TENT4A: variants seen among roughly 807,000 people sequenced by gnomAD.
TENT4A encodes the protein DNA polymerase kappa.
Under a neutral mutation model 72.8 loss-of-function variants are expected in TENT4A, and 7 were observed. That is an observed-to-expected ratio of 0.10 (90% CI 0.05 to 0.18). The LOEUF (loss-of-function observed/expected upper bound fraction) is 0.18. Among genes scored for constraint, TENT4A ranks in the 10% least tolerant of loss-of-function variants. TENT4A has a pLI of 1.00. For missense variants in TENT4A, 831 were observed against 1,017.7 expected, an observed-to-expected ratio of 0.82 and a Z score of 2.50; for synonymous variants, 456 against 434.3, an observed-to-expected ratio of 1.05 and a Z score of -0.62.
At chr5:6,730,708 G>C (rs1202278795) in intron 1 of TENT4A, among the ~76,000 whole-genome samples, 1 of 148,988 alleles carries the variant, frequency 6.7e-6, no homozygotes. Context: ...AAACATGAAG[G>C]GTTTCATTTA....
chr5:6,750,301 GTTA>G (rs1561045919), intron 9 of TENT4A, 27 bp from the exon 10 acceptor site: 1 of 1,588,782 alleles, frequency 6.3e-7, no homozygotes, highest in Non-Finnish European at 8.6e-7. Context: ...GTTCTCAGGA[GTTA>G]TTAACCAAGG....
chr5:6,752,031 A>G (rs1463630493), intron 11 of TENT4A, among the ~76,000 whole-genome samples: 1 of 152,228 alleles, frequency 6.6e-6, no homozygotes, highest in African/African-American at 2.4e-5. Flanking sequence ...TAATTGCAGC[A>G]TAAGTGTAAA....
intron 2 of TENT4A, 29 bp downstream of exon 2, chr5:6,737,662 G>T (rs369940829): frequency 3.1e-6 from 5 of 1,606,098 alleles, no homozygotes; most frequent in Non-Finnish European, 4.2e-6. Context: ...GTTCTGTGTC[G>T]CACGTCACGT....
chr5:6,720,530 T>C (rs1313173634), intron 1 of TENT4A, among the ~76,000 whole-genome samples: 2 of 152,022 alleles, frequency 1.3e-5, no homozygotes, highest in East Asian at 1.9e-4. Context: ...TGAACATTCT[T>C]TAAAATATGT....
chr5:6,744,944 T>G (rs1253556521), intron 6 of TENT4A, among the ~76,000 whole-genome samples: 2 of 152,110 alleles, frequency 1.3e-5, no homozygotes, highest in South Asian at 2.1e-4. Context: ...GTCCAGGGCC[T>G]CCTCCACCCC....
chr5:6,718,423 G>A lies in TENT4A; in HGVS notation c.716+3724G>A, dbSNP rs1029630358. ...CAGGGCCTGCTGCAGAGCACGGGAG[G>A]CATCACTCTAGGGGCCTTTCCCTCC... On this transcript the variant is annotated intron_variant, in intron 1 of 12. Transcript: ENST00000230859. 5.5e-4 allele frequency among the ~76,000 whole-genome samples: 83 copies of A among 152,190 alleles called. 2 individuals carry two copies. The highest frequency in any genetic ancestry group is 5.2e-3 in the Admixed American group (79 of 15,286).
intron 10 of TENT4A, 120 bp downstream of exon 10, chr5:6,750,623 G>T (rs1943617285): frequency 1.7e-5 from 16 of 950,596 alleles, no homozygotes; most frequent in Middle Eastern, 3.2e-4. Context: ...CCTTGTATGT[G>T]TGTGGAGGTG....
intron 5 of TENT4A, 121 bp downstream of exon 5, chr5:6,742,718 A>G: frequency 1.6e-6 from 1 of 622,308 alleles, no homozygotes; most frequent in East Asian, 2.8e-5. Flanking sequence ...CACAGACTAC[A>G]CTTACATTAT....
Position 6,719,359 on chromosome 5 carries a change from T to G in TENT4A, c.716+4660T>G, listed in dbSNP as rs550315402. Among the ~76,000 whole-genome samples, 7 of 152,120 alleles carry G rather than the reference T, an allele frequency of 4.6e-5. No homozygotes were observed. The South Asian group carries it at 1.2e-3, about 27-fold the overall frequency. On this transcript the variant is annotated intron_variant, in intron 1 of 12. Coordinates refer to ENST00000230859, the MANE Select transcript of TENT4A (RefSeq NM_006999.6). ...TGATTTTGTAGTTGTGGAGTAAAGG[T>G]TAAGAAAAAAAAACAGCAAACCTTG...
At chr5:6,745,701 G>A (rs1283226302) in intron 6 of TENT4A, among the ~76,000 whole-genome samples, 2 of 152,140 alleles carry the variant, frequency 1.3e-5, no homozygotes, top group East Asian at 1.9e-4. Context: ...TGACAAGCAG[G>A]ATGGAAGCTT....
At chr5:6,730,100 C>G (rs893766063) in intron 1 of TENT4A, among the ~76,000 whole-genome samples, 7 of 152,086 alleles carry the variant, frequency 4.6e-5, no homozygotes, top group East Asian at 3.9e-4. Flanking sequence ...TCTCCGCCCC[C>G]CCCCGGAGTG....
At chr5:6,751,816 ATG>A (rs373018553) in intron 11 of TENT4A, among the ~76,000 whole-genome samples, 28 of 152,228 alleles carry the variant, frequency 1.8e-4, no homozygotes, top group African/African-American at 6.8e-4. Flanking sequence ...ATTTTCTGAA[ATG>A]TGGGGTATAA....
chr5:6,755,004 C>T lies in TENT4A; in HGVS notation c.*59C>T. On this transcript the variant is annotated 3_prime_UTR_variant, in exon 13 of 13. Coordinates refer to ENST00000230859, the MANE Select transcript of TENT4A (RefSeq NM_006999.6). ...CTGCAGACTGCCCCGCGGCCTCGGC[C>T]ACCGGCAGGGGAACCGAGACCAGCA... is the stretch of plus-strand genomic sequence containing the variant. 1 of 1,437,604 alleles carries T rather than the reference C, an allele frequency of 7.0e-7. No homozygotes were observed. Among genetic ancestry groups the T allele is most frequent in the Non-Finnish European group, 9.3e-7 (1 of 1,080,362 alleles). 89.1% of individuals were successfully genotyped at this position (1,437,604 alleles called of 1,614,324 possible).
chr5:6,751,008 T>G, intron 10 of TENT4A, 31 bp from the exon 11 acceptor site: 1 of 1,611,800 alleles, frequency 6.2e-7, no homozygotes, highest in Non-Finnish European at 8.5e-7. Context: ...GTGGTACAGC[T>G]GTCCTTTTTG....
At chr5:6,734,297 T>G (rs899009144) in intron 1 of TENT4A, among the ~76,000 whole-genome samples, 3 of 152,250 alleles carry the variant, frequency 2.0e-5, no homozygotes, top group African/African-American at 7.2e-5. Context: ...TCCGCCTTGC[T>G]GCCTGGCCCC....
chr5:6,753,915 C>G (rs1205645403), intron 12 of TENT4A, among the ~76,000 whole-genome samples: 1 of 152,224 alleles, frequency 6.6e-6, no homozygotes, highest in Non-Finnish European at 1.5e-5. Context: ...TGCATTTTGG[C>G]TTTGCTTTCC....
At chr5:6,738,786 A>G (rs1741640292) in intron 3 of TENT4A, 57 bp downstream of exon 3, 22 of 1,208,174 alleles carry the variant, frequency 1.8e-5, no homozygotes, top group Non-Finnish European at 2.7e-5. Flanking sequence ...TGTCTATGCA[A>G]TATTAAGGGC....
At chr5:6,714,741 T>TGGTCCTGGACGGCGCCCGC (rs1740274680) in intron 1 of TENT4A, 42 bp downstream of exon 1, 2 of 1,002,942 alleles carry the variant, frequency 2.0e-6, no homozygotes, top group African/African-American at 1.7e-5. Context: ...GCGGGGCCCA[T>TGGTCCTGGACGGCGCCCGC]GGTCCTGGCC....
chr5:6,718,479 G>A (rs1740491589), intron 1 of TENT4A, among the ~76,000 whole-genome samples: 1 of 152,192 alleles, frequency 6.6e-6, no homozygotes, highest in Non-Finnish European at 1.5e-5. Flanking sequence ...CAGGATGCAT[G>A]AGAGAGGTTG....
Sources: gnomAD v4.1 joint callset for allele counts (sites outside exome capture counted in the v4.1 genomes callset) on GRCh38, gnomAD v4.1.1 for gene constraint, MANE v1.5 for transcripts, NCBI Gene and HGNC (gene_info 2026-07-23, HGNC 2026-07-21) for gene names.